The following RERE variants were observed in gnomAD, a reference collection of about 807,000 sequenced individuals.
RERE encodes the protein arginine-glutamic acid dipeptide repeats protein.
Under a neutral mutation model 146.1 loss-of-function variants are expected in RERE, and 40 were observed. The ratio of observed to expected loss-of-function variants is 0.27; its 90% CI spans 0.21 to 0.36. The LOEUF is 0.36. Ranked by LOEUF, RERE falls within the 10% of genes least tolerant of loss-of-function variation. The probability of loss-of-function intolerance (pLI) is 1.00; values close to 1 mark genes in which losing one functional copy is unlikely to be tolerated. For synonymous variants in RERE, 1,003 were observed against 866.0 expected, an observed-to-expected ratio of 1.16 and a Z score of -2.78; for missense variants, 1,933 against 2,138.7, an observed-to-expected ratio of 0.90 and a Z score of 1.90.
At chr1:8,387,758 T>G (rs1394003489) in intron 12 of RERE, among the ~76,000 whole-genome samples, 1 of 152,236 alleles carries the variant, frequency 6.6e-6, no homozygotes, top group African/African-American at 2.4e-5. Flanking sequence ...GTTTATAATG[T>G]TGGTAAGCAT....
intron 1 of RERE, among the ~76,000 whole-genome samples, chr1:8,674,625 A>C (rs1314658007): frequency 1.3e-5 from 2 of 152,262 alleles, no homozygotes; most frequent in Non-Finnish European, 2.9e-5. Context: ...CAGTAGAGCA[A>C]CTGCTAGATT....
intron 1 of RERE, among the ~76,000 whole-genome samples, chr1:8,807,767 G>T (rs1165615990): frequency 6.6e-6 from 1 of 152,108 alleles, no homozygotes; most frequent in Non-Finnish European, 1.5e-5. Context: ...CACTCTAAAA[G>T]ACTAATTGTT....
intron 11 of RERE, chr1:8,425,628 G>C (rs1644001301): frequency 1.3e-5 from 2 of 152,360 alleles, no homozygotes; most frequent in Admixed American, 6.5e-5. Flanking sequence ...AGTGAGCCAG[G>C]CTGTGGAACG....
chr1:8,530,837 G>A (rs1367238665), intron 7 of RERE, among the ~76,000 whole-genome samples: 2 of 150,812 alleles, frequency 1.3e-5, no homozygotes, highest in South Asian at 2.1e-4. Context: ...GACTACAGGC[G>A]CCCGCCACCG....
chr1:8,504,685 C>A (rs933096211), intron 8 of RERE, among the ~76,000 whole-genome samples: 2 of 152,206 alleles, frequency 1.3e-5, no homozygotes, highest in Admixed American at 6.5e-5. Flanking sequence ...AACCCCGTCT[C>A]TACTAAAAAT....
chr1:8,392,416 ATCTC>A (rs1331658211), intron 12 of RERE, among the ~76,000 whole-genome samples: 1 of 152,234 alleles, frequency 6.6e-6, no homozygotes, highest in African/African-American at 2.4e-5. Context: ...CTATCTATAT[ATCTC>A]TCTGTCTATC....
chr1:8,421,814 G>T (rs185990534), intron 12 of RERE, among the ~76,000 whole-genome samples: 44 of 152,288 alleles, frequency 2.9e-4, no homozygotes, highest in African/African-American at 9.6e-4. Flanking sequence ...GCAGCTCAAT[G>T]TCTAGGCAGA....
chr1:8,637,663 C>T lies in RERE; in HGVS notation c.326-13283G>A, dbSNP rs181421493. Among the ~76,000 whole-genome samples the T allele has an allele frequency of 1.9e-3, 290 of 152,292 alleles. 2 individuals are homozygous for T. The highest frequency in any genetic ancestry group is 6.5e-3 in the African/African-American group (270 of 41,558). On this transcript the variant is annotated intron_variant, in intron 2 of 22. Coordinates refer to ENST00000400908, the MANE Select transcript of RERE (RefSeq NM_001042681.2). ...AGAAGAGCACAAAAATATGTCTGAT[C>T]CACTCATGGTGGCAAAGATTTACCC...
intron 1 of RERE, among the ~76,000 whole-genome samples, chr1:8,809,434 C>A (rs1019326907): frequency 7.2e-5 from 11 of 152,110 alleles, no homozygotes; most frequent in Admixed American, 3.3e-4. Context: ...GGAATGCAAC[C>A]TATAATAATG....
rs1645058598 is a variant in RERE, at chr1:8,497,327, G to A, written c.1004+78C>T. ...CCCAATATAGAAATAAAATCTCAGG[G>A]GAAATGCAAAGTTTACTGCCTATAA... is the stretch of plus-strand genomic sequence containing the variant. On this transcript the variant is annotated intron_variant, in intron 9 of 22. Coordinates refer to ENST00000400908, the MANE Select transcript of RERE (RefSeq NM_001042681.2). The A allele has an allele frequency of 2.7e-6, 4 of 1,494,120 alleles. No individual in the cohort carries two copies. The South Asian group carries it at 4.9e-5, about 18-fold the overall frequency. 92.6% of individuals were successfully genotyped at this position (1,494,120 alleles called of 1,614,324 possible). A position where few individuals can be genotyped will look rare whatever the true frequency, so the allele number is the denominator to read the frequency against.
chr1:8,696,424 G>A (rs540106428), intron 1 of RERE, among the ~76,000 whole-genome samples: 17 of 152,154 alleles, frequency 1.1e-4, no homozygotes, highest in African/African-American at 4.1e-4. Context: ...GACTAGCCAG[G>A]GCAACATGGT....
At chr1:8,440,937 C>T (rs1314142944) in intron 11 of RERE, among the ~76,000 whole-genome samples, 2 of 136,280 alleles carry the variant, frequency 1.5e-5, no homozygotes, top group Non-Finnish European at 3.0e-5. Context: ...AATATAACTG[C>T]TCTATGAACA....
intron 12 of RERE, among the ~76,000 whole-genome samples, chr1:8,409,145 A>C (rs1258398711): frequency 6.6e-6 from 1 of 152,230 alleles, no homozygotes; most frequent in Non-Finnish European, 1.5e-5. Context: ...AGAGCCTCAC[A>C]CTTCTTAAGG....
rs774990070 is a variant in RERE at position 8,360,260 on chromosome 1, C to T, written c.3247G>A (p.Gly1083Arg). 2.5e-6 allele frequency: 4 copies of T among 1,573,820 alleles called. No homozygotes were observed. Among genetic ancestry groups the T allele is most frequent in the African/African-American group, 2.7e-5 (2 of 73,960 alleles). The stretch of plus-strand genomic sequence containing the variant: ...ACGGTGGGGAGTGGGCAGGACGACC[C>T]CCCCGCTATGCTGCCTCCTGAAGCC... Reference protein sequence around the residue: ...AAASGGSIAGGSSCPLPTVQI... With the variant: ...AAASGGSIAGRSSCPLPTVQI... The change falls in exon 18 of 23, where the codon GGG (glycine) becomes AGG (arginine). Residue 1083 changes from glycine (G) to arginine (R), a missense_variant. Coordinates refer to ENST00000400908, the MANE Select transcript of RERE (RefSeq NM_001042681.2).
At chr1:8,559,510 A>C (rs776373311) in intron 4 of RERE, among the ~76,000 whole-genome samples, 5 of 151,582 alleles carry the variant, frequency 3.3e-5, no homozygotes, top group Non-Finnish European at 7.4e-5. Context: ...TTCTGATGGC[A>C]AAAAAAACTT....
chr1:8,607,378 A>G (rs563177217), intron 4 of RERE, among the ~76,000 whole-genome samples: 143 of 150,946 alleles, frequency 9.5e-4, no homozygotes, highest in African/African-American at 3.3e-3. Flanking sequence ...AAAAAAAAAA[A>G]GATATTCCCA....
At position 8,386,656 on chromosome 1, in the gene RERE, C is replaced by T. The variant is rs369706978; in HGVS notation, c.1285-20682G>A. ...GCCCTTCATGAAAAAGAAACACAAA[C>T]AGCCAATAAACTCATTATAGGATGC... is the stretch of plus-strand genomic sequence containing the variant. On this transcript the variant is annotated intron_variant, in intron 12 of 22. Coordinates refer to ENST00000400908, the MANE Select transcript of RERE (RefSeq NM_001042681.2). Among the ~76,000 whole-genome samples the T allele has an allele frequency of 6.6e-5, 10 of 151,568 alleles. No individual in the cohort carries two copies. In the South Asian group the frequency reaches 1.0e-3, roughly 16 times the overall value.
At chr1:8,445,317 T>C (rs1644303173) in intron 11 of RERE, among the ~76,000 whole-genome samples, 1 of 152,226 alleles carries the variant, frequency 6.6e-6, no homozygotes, top group South Asian at 2.1e-4. Flanking sequence ...ATGTAACTGC[T>C]GTTCCACCAA....
At chr1:8,628,165 A>G (rs568170695) in intron 2 of RERE, among the ~76,000 whole-genome samples, 1 of 152,366 alleles carries the variant, frequency 6.6e-6, no homozygotes, top group South Asian at 2.1e-4. Context: ...AATAATCTGT[A>G]AAATGGGTGA....
Sources: allele counts gnomAD v4.1 joint callset (sites outside exome capture counted in the v4.1 genomes callset), GRCh38; gene constraint gnomAD v4.1.1; transcripts MANE v1.5; gene names NCBI Gene and HGNC (gene_info 2026-07-23, HGNC 2026-07-21).